Variants in ANGEL2 observed in about 807,000 individuals in gnomAD.
The protein encoded by ANGEL2 is RNA 2',3'-cyclic phosphatase ANGEL2.
A neutral mutation model predicts 66.0 loss-of-function variants in ANGEL2; 41 were observed. The ratio of observed to expected loss-of-function variants is 0.62; its 90% CI spans 0.48 to 0.81. The LOEUF is 0.81. Among genes scored for constraint, ANGEL2 ranks in the 30% least tolerant of loss-of-function variants. The pLI is 0.00. For synonymous variants in ANGEL2, 208 were observed against 226.5 expected, an observed-to-expected ratio of 0.92 and a Z score of 0.73; for missense variants, 561 against 641.6, an observed-to-expected ratio of 0.87 and a Z score of 1.36.
rs376638297 is a variant in ANGEL2, at chr1:213,000,910, T to C, written c.1137A>G (p.Val379=). The C allele has an allele frequency of 6.2e-6, 10 of 1,602,654 alleles. No individual in the cohort carries two copies. In the African/African-American group the frequency reaches 6.7e-5, roughly 11 times the overall value. ...LNYEGLPIGK[V]SGQEQSSRGQ... is the part of the protein sequence containing the mutation. ...CCCGTGAAGACTGTTCCTGGCCAGA[T>C]ACCTAAACAAAATTTCAACAGGTAT... The change falls in exon 6 of 9, where the codon GTA becomes GTG. Residue 379 remains valine (V), a splice_region_variant and synonymous_variant. Transcript: ENST00000366962.
chr1:213,005,537 T>C (rs891011276), intron 4 of ANGEL2, 83 bp from the exon 5 acceptor site: 1 of 1,355,966 alleles, frequency 7.4e-7, no homozygotes, highest in Non-Finnish European at 1.0e-6. Context: ...TTCTGAACAA[T>C]GTTTACCAAA....
chr1:213,015,453 C>T (rs1457002556), intron 1 of ANGEL2, 160 bp downstream of exon 1: 1 of 1,438,678 alleles, frequency 7.0e-7, no homozygotes. Flanking sequence ...CCCGCTTGGT[C>T]TCTGGAGGCT....
rs536287705 is a variant in ANGEL2 at position 213,011,765 on chromosome 1, T to C, written c.385+1328A>G. ...TCCTAAATCAATGCTTATGTAGCTATGCCACAGCTCCATCTGAAAGCATCC... is the reference window on the plus strand; with the variant it reads ...TCCTAAATCAATGCTTATGTAGCTACGCCACAGCTCCATCTGAAAGCATCC... On this transcript the variant is annotated intron_variant, in intron 2 of 8. Coordinates refer to ENST00000366962, the MANE Select transcript of ANGEL2 (RefSeq NM_144567.5). Among the ~76,000 whole-genome samples the C allele has an allele frequency of 2.0e-5, 3 of 152,324 alleles. No homozygotes were observed. In the South Asian group the frequency reaches 6.2e-4, roughly 32 times the overall value.
At position 213,008,008 on chromosome 1, in the gene ANGEL2, C is replaced by G. The variant is rs144077969; in HGVS notation, c.642+202G>C. 8.8e-3 allele frequency among the ~76,000 whole-genome samples: 1,338 copies of G among 152,114 alleles called. 46 individuals are homozygous for G. Among genetic ancestry groups the G allele is most frequent in the East Asian group, 0.071 (369 of 5,176 alleles). Reference sequence around the variant, plus strand: ...CCTCCTGAGTAGCTGGGATTACAGGCATGAGCCACCACGCCCGGCTAATTT... The same window carrying G: ...CCTCCTGAGTAGCTGGGATTACAGGGATGAGCCACCACGCCCGGCTAATTT... On this transcript the variant is annotated intron_variant, in intron 3 of 8. Transcript: ENST00000366962.
At chr1:213,010,272 G>C (rs545055894) in intron 2 of ANGEL2, among the ~76,000 whole-genome samples, 1 of 151,660 alleles carries the variant, frequency 6.6e-6, no homozygotes, top group African/African-American at 2.4e-5. Context: ...AATTTCTATA[G>C]GGAAAACAGA....
chr1:213,001,199 T>C (rs1242944690), intron 5 of ANGEL2: 66 of 329,016 alleles, frequency 2.0e-4, no homozygotes, highest in South Asian at 3.2e-5. Context: ...CATCATTTTT[T>C]ACTACCTGCA....
chr1:213,013,322 A>G lies in ANGEL2; in HGVS notation c.156T>C (p.Ser52=), dbSNP rs2076556186. 1.9e-6 allele frequency: 3 copies of G among 1,614,070 alleles called. No homozygotes were observed. Among genetic ancestry groups the G allele is most frequent in the Non-Finnish European group, 2.5e-6 (3 of 1,180,010 alleles). The stretch of plus-strand genomic sequence containing the variant: ...AATGTCCAGGCCACCTCATACAACT[A>G]GAAATATGTCTGTTCCAGCAACACC... The part of the protein sequence containing the change: ...LQRCCWNRHI[S]SCMRWPGHYS... The change falls in exon 2 of 9, where the codon TCT becomes TCC. Residue 52 remains serine, a synonymous_variant. Transcript: ENST00000366962.
In ANGEL2 at chr1:213,008,256, A is replaced by C; in HGVS notation, c.596T>G (p.Phe199Cys). 1 of 1,614,060 alleles carries C rather than the reference A, an allele frequency of 6.2e-7. No homozygotes were observed. Among genetic ancestry groups the C allele is most frequent in the Non-Finnish European group, 8.5e-7 (1 of 1,179,976 alleles). Residue 199 changes from phenylalanine to cysteine, a missense_variant, in exon 3 of 9, where the codon TTT becomes TGT. Coordinates refer to ENST00000366962, the MANE Select transcript of ANGEL2 (RefSeq NM_144567.5). ...HCRRPVLHWS[F>C]RFPNILKEIK... ...TTCTTTCAGAATATTGGGAAACCTA[A>C]AACTCCAGTGTAATACTGGCCGCCG...
At chr1:213,002,807 C>T (rs1043351445) in intron 5 of ANGEL2, among the ~76,000 whole-genome samples, 1 of 151,698 alleles carries the variant, frequency 6.6e-6, no homozygotes, top group Non-Finnish European at 1.5e-5. Flanking sequence ...TGTAATCCCA[C>T]CTACTTGGGA....
chr1:213,008,516 T>C lies in ANGEL2; in HGVS notation c.386-50A>G, dbSNP rs766515726. Reference sequence around the variant, plus strand: ...TAAGGAATTAATCAAAAGCAGACCATACAGTTTCCCACATATATGTATTTT... The same window carrying C: ...TAAGGAATTAATCAAAAGCAGACCACACAGTTTCCCACATATATGTATTTT... On this transcript the variant is annotated intron_variant, in intron 2 of 8. Coordinates refer to ENST00000366962, the MANE Select transcript of ANGEL2 (RefSeq NM_144567.5). 3.2e-6 allele frequency: 5 copies of C among 1,565,612 alleles called. No individual in the cohort carries two copies. In the South Asian group the frequency reaches 6.0e-5, roughly 19 times the overall value.
At chr1:213,009,877 CCT>C (rs2076449954) in intron 2 of ANGEL2, among the ~76,000 whole-genome samples, 1 of 151,964 alleles carries the variant, frequency 6.6e-6, no homozygotes, top group Non-Finnish European at 1.5e-5. Context: ...ATGGCGAAAC[CCT>C]GTCTCTACTA....
chr1:212,992,719 A>G lies in ANGEL2; in HGVS notation c.*2322T>C, dbSNP rs1346705336. The G allele has an allele frequency of 6.6e-6, 1 of 152,230 alleles. No individual in the cohort carries two copies. Among genetic ancestry groups the G allele is most frequent in the Non-Finnish European group, 1.5e-5 (1 of 68,046 alleles). The allele number at this position is 152,230 out of a possible 1,614,324, so 9.4% of individuals were successfully genotyped here. A position where few individuals can be genotyped will look rare whatever the true frequency, so the allele number is the denominator to read the frequency against. ...GCACATGAAAAATGGGCCTAAAGTC[A>G]CAATATATTAATCAGGATATAAAAA... is the stretch of plus-strand genomic sequence containing the variant. On this transcript the variant is annotated 3_prime_UTR_variant, in exon 9 of 9. Transcript: ENST00000366962.
chr1:212,996,184 G>A (rs1043793698), intron 8 of ANGEL2, among the ~76,000 whole-genome samples: 10 of 152,170 alleles, frequency 6.6e-5, no homozygotes, highest in Admixed American at 5.9e-4. Flanking sequence ...GCGGGCGCCT[G>A]TAGTCCCAGT....
At chr1:213,013,506 A>C (rs1037023068) in intron 1 of ANGEL2, 88 bp from the exon 2 acceptor site, 10 of 1,212,848 alleles carry the variant, frequency 8.2e-6, no homozygotes, top group Non-Finnish European at 1.2e-5. Flanking sequence ...AAGGGAAGGT[A>C]ATGTCTAATA....
chr1:213,004,132 A>G lies in ANGEL2; in HGVS notation c.1134+901T>C, dbSNP rs568900870. Reference sequence around the variant, plus strand: ...AGGCAGAATTGCTTGAACCTGGGAGACAGAGGATGCAGTGAGCCGAGATCC... The same window carrying G: ...AGGCAGAATTGCTTGAACCTGGGAGGCAGAGGATGCAGTGAGCCGAGATCC... On this transcript the variant is annotated intron_variant, in intron 5 of 8. Transcript: ENST00000366962. 2.2e-3 allele frequency among the ~76,000 whole-genome samples: 340 copies of G among 152,004 alleles called. 2 individuals carry two copies. The highest frequency in any genetic ancestry group is 3.9e-3 in the Non-Finnish European group (268 of 67,954).
chr1:213,006,830 C>A, intron 4 of ANGEL2: 1 of 320,172 alleles, frequency 3.1e-6, no homozygotes, highest in Non-Finnish European at 5.6e-6. Flanking sequence ...AGATTTTTAG[C>A]CAAAATATGC....
intron 5 of ANGEL2, among the ~76,000 whole-genome samples, chr1:213,004,607 C>T (rs1188197015): frequency 1.3e-5 from 2 of 151,904 alleles, no homozygotes; most frequent in South Asian, 2.1e-4. Flanking sequence ...CAGTGGCTCA[C>T]GCCTGTAATC....
intron 2 of ANGEL2, among the ~76,000 whole-genome samples, 193 bp from the exon 3 acceptor site, chr1:213,008,659 A>T (rs1291664523): frequency 1.3e-5 from 2 of 152,238 alleles, no homozygotes; most frequent in Non-Finnish European, 2.9e-5. Flanking sequence ...GTAACACAAT[A>T]TACTGACCAA....
chr1:213,008,684 GTT>G (rs1277196090), intron 2 of ANGEL2, among the ~76,000 whole-genome samples: 1 of 152,186 alleles, frequency 6.6e-6, no homozygotes, highest in Non-Finnish European at 1.5e-5. Flanking sequence ...TTTAAAACAG[GTT>G]TAAAAGAATC....
Sources: allele counts gnomAD v4.1 joint callset (sites outside exome capture counted in the v4.1 genomes callset), GRCh38; gene constraint gnomAD v4.1.1; transcripts MANE v1.5; gene names NCBI Gene and HGNC (gene_info 2026-07-23, HGNC 2026-07-21).